ZC3H18: variants seen among roughly 807,000 people sequenced by gnomAD.
The protein encoded by ZC3H18 is zinc finger CCCH-type containing 18, also known as zinc finger CCCH domain-containing protein 18.
Under a neutral mutation model 106.1 loss-of-function variants are expected in ZC3H18, and 8 were observed. The ratio of observed to expected loss-of-function variants is 0.08; its 90% CI spans 0.04 to 0.14. The LOEUF (loss-of-function observed/expected upper bound fraction) is 0.14. Among genes scored for constraint, ZC3H18 ranks in the 10% least tolerant of loss-of-function variants. The pLI is 1.00. For missense variants in ZC3H18, 1,318 were observed against 1,278.4 expected (o/e 1.03, Z -0.47); for synonymous variants, 635 against 522.1 (o/e 1.22, Z -2.95).
Position 88,623,363 on chromosome 16 carries a change from T to C in ZC3H18, c.1793+19T>C, listed in dbSNP as rs770408006. 1.2e-6 allele frequency: 2 copies of C among 1,611,106 alleles called. No homozygotes were observed. The highest frequency in any genetic ancestry group is 1.7e-6 in the Non-Finnish European group (2 of 1,179,532). On this transcript the variant is annotated intron_variant, in intron 10 of 17. Coordinates refer to ENST00000301011, the MANE Select transcript of ZC3H18 (RefSeq NM_144604.4). ...GGTCCAGGTATGTCCCCAGGGCCCATGAAGGGCCCTCAGCAGGTGCAGTGA... is the reference window on the plus strand; with the variant it reads ...GGTCCAGGTATGTCCCCAGGGCCCACGAAGGGCCCTCAGCAGGTGCAGTGA...
chr16:88,614,576 G>C (rs539497581), intron 8 of ZC3H18, among the ~76,000 whole-genome samples: 1 of 152,190 alleles, frequency 6.6e-6, no homozygotes, highest in South Asian at 2.1e-4. Flanking sequence ...TAAATGTGCT[G>C]TATTTGTCAT....
chr16:88,624,828 T>C (rs1906201994), intron 12 of ZC3H18, 83 bp downstream of exon 12: 4 of 1,494,374 alleles, frequency 2.7e-6, no homozygotes, highest in Non-Finnish European at 3.6e-6. Flanking sequence ...AAATCCAGAG[T>C]GCCAGGGTCC....
chr16:88,590,808 C>T (rs927940048), intron 3 of ZC3H18, among the ~76,000 whole-genome samples: 2 of 152,024 alleles, frequency 1.3e-5, no homozygotes, highest in Non-Finnish European at 2.9e-5. Context: ...GATCCGCTCA[C>T]CTCAGCCTCC....
chr16:88,590,287 G>A (rs1597329980), intron 3 of ZC3H18, among the ~76,000 whole-genome samples: 1 of 152,206 alleles, frequency 6.6e-6, no homozygotes, highest in Non-Finnish European at 1.5e-5. Context: ...GTGATATAGA[G>A]ATTAATCATT....
chr16:88,581,287 C>T (rs559372341), intron 2 of ZC3H18, among the ~76,000 whole-genome samples: 1 of 152,212 alleles, frequency 6.6e-6, no homozygotes, highest in Admixed American at 6.5e-5. Flanking sequence ...TGTCCCTGGC[C>T]TGATTTATCA....
At chr16:88,611,943 G>A (rs149526379) in intron 8 of ZC3H18, among the ~76,000 whole-genome samples, 15 of 152,318 alleles carry the variant, frequency 9.8e-5, no homozygotes, top group African/African-American at 3.4e-4. Context: ...GGCCCCCAGA[G>A]CTTGGGACTG....
intron 6 of ZC3H18, among the ~76,000 whole-genome samples, chr16:88,603,304 C>A (rs1169915720): frequency 6.6e-6 from 1 of 150,592 alleles, no homozygotes; most frequent in African/African-American, 2.4e-5. Context: ...TAAAAACTGA[C>A]CTAGCAGGAT....
chr16:88,617,532 A>G (rs745884678), intron 8 of ZC3H18, among the ~76,000 whole-genome samples: 5 of 152,198 alleles, frequency 3.3e-5, no homozygotes, highest in Admixed American at 6.5e-5. Context: ...TTGGCTAGTC[A>G]TTGTCATTAG....
chr16:88,613,797 G>A (rs1905408054), intron 8 of ZC3H18, among the ~76,000 whole-genome samples: 1 of 152,118 alleles, frequency 6.6e-6, no homozygotes, highest in Non-Finnish European at 1.5e-5. Context: ...TGGTTTTGGT[G>A]TCATGTAAGA....
intron 8 of ZC3H18, among the ~76,000 whole-genome samples, chr16:88,613,660 C>G (rs1264704679): frequency 6.6e-6 from 1 of 152,234 alleles, no homozygotes; most frequent in African/African-American, 2.4e-5. Flanking sequence ...AACGCCTATT[C>G]AGATCCTTTG....
intron 10 of ZC3H18, 35 bp from the exon 11 acceptor site, chr16:88,623,923 C>T: frequency 6.3e-7 from 1 of 1,580,638 alleles, no homozygotes; most frequent in South Asian, 1.1e-5. Flanking sequence ...GAAACACCCC[C>T]AGGCCCCTTC....
At chr16:88,575,092 G>A (rs1914663240) in intron 1 of ZC3H18, among the ~76,000 whole-genome samples, 1 of 151,738 alleles carries the variant, frequency 6.6e-6, no homozygotes, top group Admixed American at 6.6e-5. Flanking sequence ...GCCTCCCAAA[G>A]TGCTGGGATT....
intron 6 of ZC3H18, among the ~76,000 whole-genome samples, chr16:88,607,994 C>T (rs1254097945): frequency 6.6e-6 from 1 of 152,218 alleles, no homozygotes; most frequent in Non-Finnish European, 1.5e-5. Flanking sequence ...ACTCTGCCTC[C>T]TAACTGGTTA....
At chr16:88,616,735 C>T (rs1050399391) in intron 8 of ZC3H18, among the ~76,000 whole-genome samples, 2 of 152,050 alleles carry the variant, frequency 1.3e-5, no homozygotes, top group Admixed American at 1.3e-4. Context: ...CTTTTCTCAC[C>T]TAAACTGGAA....
intron 8 of ZC3H18, among the ~76,000 whole-genome samples, chr16:88,616,981 G>A (rs1007950562): frequency 3.9e-5 from 6 of 152,154 alleles, no homozygotes; most frequent in Admixed American, 2.0e-4. Flanking sequence ...GGGCACAGTC[G>A]TGCAGCGGGA....
intron 2 of ZC3H18, among the ~76,000 whole-genome samples, chr16:88,580,556 T>C (rs1915063278): frequency 6.6e-6 from 1 of 152,074 alleles, no homozygotes; most frequent in Non-Finnish European, 1.5e-5. Flanking sequence ...TTTTTCCTCC[T>C]CTCAGGCCCA....
intron 2 of ZC3H18, among the ~76,000 whole-genome samples, chr16:88,578,792 G>A (rs952616994): frequency 6.6e-6 from 1 of 152,144 alleles, no homozygotes; most frequent in Non-Finnish European, 1.5e-5. Context: ...CCAGGTTCAG[G>A]CAATTATCCT....
At chr16:88,580,202 G>A (rs1352167683) in intron 2 of ZC3H18, among the ~76,000 whole-genome samples, 3 of 100,390 alleles carry the variant, frequency 3.0e-5, no homozygotes, top group African/African-American at 1.1e-4. Flanking sequence ...GTGTGTGTGT[G>A]TGTGTGTATA....
chr16:88,623,352 C>A lies in ZC3H18; in HGVS notation c.1793+8C>A, dbSNP rs781765062. The A allele has an allele frequency of 1.9e-6, 3 of 1,612,586 alleles. No individual in the cohort carries two copies. Among genetic ancestry groups the A allele is most frequent in the Non-Finnish European group, 2.5e-6 (3 of 1,179,856 alleles). On this transcript the variant is annotated splice_region_variant and intron_variant, in intron 10 of 17. Coordinates refer to ENST00000301011, the MANE Select transcript of ZC3H18 (RefSeq NM_144604.4). ...CTCAGGAAGCCGGTCCAGGTATGTC[C>A]CCAGGGCCCATGAAGGGCCCTCAGC...
Sources: gnomAD v4.1 joint callset for allele counts (sites outside exome capture counted in the v4.1 genomes callset) on GRCh38, gnomAD v4.1.1 for gene constraint, MANE v1.5 for transcripts, NCBI Gene and HGNC (gene_info 2026-07-23, HGNC 2026-07-21) for gene names.